PEPD: variants seen among roughly 807,000 people sequenced by gnomAD.
The protein encoded by PEPD is xaa-Pro dipeptidase.
Under a neutral mutation model 60.7 loss-of-function variants are expected in PEPD, and 53 were observed. That is an observed-to-expected ratio of 0.87 (90% CI 0.70 to 1.10). PEPD has a LOEUF of 1.10. PEPD is among the 50% of genes least tolerant of loss of function. The pLI is 0.00. For missense variants in PEPD, 711 were observed against 711.9 expected, an observed-to-expected ratio of 1.00 and a Z score of 0.01; for synonymous variants, 267 against 284.1, an observed-to-expected ratio of 0.94 and a Z score of 0.60.
chr19:33,507,769 A>T (rs1194080853), intron 3 of PEPD, among the ~76,000 whole-genome samples: 1 of 152,092 alleles, frequency 6.6e-6, no homozygotes, highest in Admixed American at 6.6e-5. Context: ...CCCCAGCTCC[A>T]GTCCCACATA....
At chr19:33,442,330 C>T (rs1366983802) in intron 9 of PEPD, among the ~76,000 whole-genome samples, 3 of 151,552 alleles carry the variant, frequency 2.0e-5, no homozygotes, top group Admixed American at 2.0e-4. Context: ...TTGCTTGAAC[C>T]CGGGAGGCGG....
intron 12 of PEPD, among the ~76,000 whole-genome samples, chr19:33,393,553 TCAAA>T (rs10561733): frequency 0.32 from 45,507 of 143,124 alleles, 6,988 homozygotes; most frequent in African/African-American, 0.37. Context: ...CTGCCGCTGG[TCAAA>T]CAAACAAACA....
At chr19:33,490,332 C>T (rs1475123228) in intron 5 of PEPD, among the ~76,000 whole-genome samples, 1 of 152,242 alleles carries the variant, frequency 6.6e-6, no homozygotes, top group Non-Finnish European at 1.5e-5. Flanking sequence ...GAGGTCAGAG[C>T]ACTCTGCTGA....
At chr19:33,418,970 C>A (rs1158644238) in intron 9 of PEPD, among the ~76,000 whole-genome samples, 1 of 152,198 alleles carries the variant, frequency 6.6e-6, no homozygotes, top group Non-Finnish European at 1.5e-5. Context: ...AACATGGCAG[C>A]GTCAGACACA....
At chr19:33,390,900 C>T (rs193048109) in intron 13 of PEPD, among the ~76,000 whole-genome samples, 109 of 152,268 alleles carry the variant, frequency 7.2e-4, no homozygotes, top group Non-Finnish European at 1.3e-4. Flanking sequence ...CAACTCCCCA[C>T]GCCCCAGGTC....
chr19:33,451,343 T>C (rs1406677954), intron 9 of PEPD, among the ~76,000 whole-genome samples: 1 of 152,252 alleles, frequency 6.6e-6, no homozygotes, highest in Non-Finnish European at 1.5e-5. Context: ...AAACTTAAAA[T>C]TGTTAAATTG....
At chr19:33,479,912 T>C (rs138030223) in intron 6 of PEPD, among the ~76,000 whole-genome samples, 58 of 152,362 alleles carry the variant, frequency 3.8e-4, no homozygotes, top group African/African-American at 1.4e-3. Context: ...GAACAATTTA[T>C]ATTCCTTTGG....
chr19:33,403,708 C>T (rs1438143003), intron 11 of PEPD, among the ~76,000 whole-genome samples: 2 of 152,202 alleles, frequency 1.3e-5, no homozygotes, highest in Non-Finnish European at 2.9e-5. Context: ...ACGGCCAGGA[C>T]GCTTTGCTGA....
intron 11 of PEPD, 46 bp from the exon 12 acceptor site, chr19:33,401,915 G>C: frequency 6.3e-7 from 1 of 1,591,600 alleles, no homozygotes; most frequent in Non-Finnish European, 8.6e-7. Flanking sequence ...GGGTGCCACC[G>C]CCCCCTTACC....
intron 6 of PEPD, among the ~76,000 whole-genome samples, chr19:33,478,554 G>C (rs36073047): frequency 0.12 from 18,894 of 152,120 alleles, 1,600 homozygotes; most frequent in Non-Finnish European, 0.19. Context: ...AAAGTATCTT[G>C]AAAGCAGCAA....
intron 11 of PEPD, among the ~76,000 whole-genome samples, chr19:33,408,552 C>A (rs887834001): frequency 2.0e-5 from 3 of 152,164 alleles, no homozygotes; most frequent in Admixed American, 1.3e-4. Context: ...CTCTTAGTAC[C>A]CCCCACCCTT....
intron 6 of PEPD, among the ~76,000 whole-genome samples, chr19:33,480,416 GGAGA>G (rs1970291734): frequency 6.6e-6 from 1 of 152,134 alleles, no homozygotes; most frequent in South Asian, 2.1e-4. Flanking sequence ...TAACAAAATT[GGAGA>G]GAGAAACTGA....
At position 33,391,372 on chromosome 19, in the gene PEPD, G is replaced by A; in HGVS notation, c.1075C>T (p.Leu359=). Residue 359 remains leucine, a synonymous_variant, in exon 13 of 15, where the codon CTG becomes TTG. Coordinates refer to ENST00000244137, the MANE Select transcript of PEPD (RefSeq NM_000285.4). ...GSVDAMVQAH[L]GAVFMPHGLG... ...CCGTGAGGCATAAACACGGCCCCCA[G>A]GTGAGCCTGGACCATGGCGTCCACG... 1 of 1,608,026 alleles carries A rather than the reference G, an allele frequency of 6.2e-7. No homozygotes were observed. Among genetic ancestry groups the A allele is most frequent in the African/African-American group, 1.3e-5 (1 of 75,010 alleles).
intron 12 of PEPD, among the ~76,000 whole-genome samples, chr19:33,398,241 T>G (rs946243626): frequency 2.6e-5 from 4 of 152,224 alleles, no homozygotes; most frequent in East Asian, 1.9e-4. Flanking sequence ...TGTACAGGGT[T>G]GCTGGGCTTG....
At chr19:33,435,880 G>A (rs553754511) in intron 9 of PEPD, among the ~76,000 whole-genome samples, 11 of 152,304 alleles carry the variant, frequency 7.2e-5, no homozygotes, top group South Asian at 2.1e-4. Flanking sequence ...GCAGGTCCTC[G>A]GCCTTCCCAG....
chr19:33,413,027 G>A (rs981803417), intron 10 of PEPD, among the ~76,000 whole-genome samples: 1 of 152,176 alleles, frequency 6.6e-6, no homozygotes, highest in African/African-American at 2.4e-5. Context: ...ACACCCAAGC[G>A]CACACACCCA....
At chr19:33,477,991 C>T in intron 7 of PEPD, 55 bp downstream of exon 7, 9 of 1,233,354 alleles carry the variant, frequency 7.3e-6, no homozygotes, top group Non-Finnish European at 8.4e-6. Flanking sequence ...CAGGGCATTC[C>T]ATCCCCATGA....
intron 7 of PEPD, among the ~76,000 whole-genome samples, chr19:33,476,336 A>G (rs1568490685): frequency 6.6e-6 from 1 of 151,886 alleles, no homozygotes; most frequent in Non-Finnish European, 1.5e-5. Flanking sequence ...CCTCTCTCCC[A>G]CTGGCACCTA....
intron 3 of PEPD, among the ~76,000 whole-genome samples, chr19:33,505,008 C>T (rs1302877968): frequency 1.3e-5 from 2 of 152,146 alleles, no homozygotes; most frequent in African/African-American, 4.8e-5. Context: ...GCACACTCTG[C>T]AGTGACTGCC....
Sources: allele counts gnomAD v4.1 joint callset (sites outside exome capture counted in the v4.1 genomes callset), GRCh38; gene constraint gnomAD v4.1.1; transcripts MANE v1.5; gene names NCBI Gene and HGNC (gene_info 2026-07-23, HGNC 2026-07-21).